Variants in IL7R observed in about 807,000 individuals in gnomAD.
IL7R encodes the protein interleukin 7 receptor.
Under a neutral mutation model 47.0 loss-of-function variants are expected in IL7R, and 38 were observed. The ratio of observed to expected loss-of-function variants is 0.81; its 90% CI spans 0.62 to 1.06. The LOEUF is 1.06. Among genes scored for constraint, IL7R ranks in the 50% least tolerant of loss-of-function variants. The probability of loss-of-function intolerance (pLI) is 0.00; values close to 1 mark genes in which losing one functional copy is unlikely to be tolerated. For missense variants in IL7R, 633 were observed against 534.8 expected (o/e 1.18, Z -1.81); for synonymous variants, 221 against 199.8 (o/e 1.11, Z -0.89).
At chr5:35,866,594 G>T (rs7711268) in intron 2 of IL7R, among the ~76,000 whole-genome samples, 1 of 151,936 alleles carries the variant, frequency 6.6e-6, no homozygotes, top group Non-Finnish European at 1.5e-5. Context: ...AAATATAACT[G>T]TTGAAATATT....
At chr5:35,871,538 T>C (rs1404985606) in intron 4 of IL7R, among the ~76,000 whole-genome samples, 1 of 152,210 alleles carries the variant, frequency 6.6e-6, no homozygotes, top group African/African-American at 2.4e-5. Flanking sequence ...GCCACTTTCA[T>C]AGGCAAATCA....
At chr5:35,871,700 A>G (rs1319902008) in intron 4 of IL7R, among the ~76,000 whole-genome samples, 1 of 152,170 alleles carries the variant, frequency 6.6e-6, no homozygotes, top group Non-Finnish European at 1.5e-5. Flanking sequence ...TTTTGAAGTA[A>G]CAGCTTAATT....
At chr5:35,857,451 A>G (rs1759684401) in intron 1 of IL7R, among the ~76,000 whole-genome samples, 1 of 148,810 alleles carries the variant, frequency 6.7e-6, no homozygotes, top group Non-Finnish European at 1.5e-5. Flanking sequence ...AGAAATCCTG[A>G]AAGCATAACT....
chr5:35,870,901 A>G (rs1050414593), intron 3 of IL7R, among the ~76,000 whole-genome samples, 155 bp from the exon 4 acceptor site: 21 of 152,312 alleles, frequency 1.4e-4, no homozygotes, highest in African/African-American at 5.1e-4. Flanking sequence ...TGCGGACTGG[A>G]TTTAAACCCA....
In IL7R at chr5:35,861,601, G is replaced by A. The variant is rs567299616; in HGVS notation, c.221+611G>A. Among the ~76,000 whole-genome samples the A allele has an allele frequency of 2.8e-4, 43 of 152,210 alleles. 1 individual carries two copies. The highest frequency in any genetic ancestry group is 3.4e-3 in the Middle Eastern group (1 of 294). On this transcript the variant is annotated intron_variant, in intron 2 of 7. Coordinates refer to ENST00000303115, the MANE Select transcript of IL7R (RefSeq NM_002185.5). ...ATATTGACCTAACTTCTACCATCTT[G>A]ACACAATTTGACTTCAGATGATCCT...
chr5:35,871,016 G>T (rs1157081207), intron 3 of IL7R, 40 bp from the exon 4 acceptor site: 2 of 1,581,054 alleles, frequency 1.3e-6, no homozygotes, highest in East Asian at 4.5e-5. Flanking sequence ...TATTTCCTTG[G>T]CTGCCCTTTA....
rs745481948 is a variant in IL7R, at chr5:35,876,397, G to T, written c.1291G>T (p.Val431Phe). 2 of 1,613,382 alleles carry T rather than the reference G, an allele frequency of 1.2e-6. No homozygotes were observed. The highest frequency in any genetic ancestry group is 1.7e-6 in the Non-Finnish European group (2 of 1,179,950). The change falls in exon 8 of 8, where the codon GTT becomes TTT. Residue 431 changes from valine (V) to phenylalanine (F), a missense_variant. Val to Phe is a conservative substitution (Grantham distance 50, BLOSUM62 -1). Coordinates refer to ENST00000303115, the MANE Select transcript of IL7R (RefSeq NM_002185.5). ...ATCTGGAATCCTGACATTGAACCCA[G>T]TTGCTCAGGGTCAGCCCATTCTTAC... ...LQSGILTLNP[V>F]AQGQPILTSL...
In IL7R at chr5:35,867,379, T is replaced by C. The variant is rs1759964749; in HGVS notation, c.295T>C (p.Phe99Leu). 1.2e-6 allele frequency: 2 copies of C among 1,613,424 alleles called. No individual in the cohort carries two copies. Among genetic ancestry groups the C allele is most frequent in the African/African-American group, 1.3e-5 (1 of 74,898 alleles). The part of the protein sequence containing the change: ...QEIYFIETKK[F>L]LLIGKSNICV... The stretch of plus-strand genomic sequence containing the variant: ...GATATATTTCATCGAGACAAAGAAA[T>C]TCTTACTGATTGGAAAGAGCAATAT... The change falls in exon 3 of 8, where the codon TTC becomes CTC. Residue 99 changes from phenylalanine to leucine, a missense_variant. Coordinates refer to ENST00000303115, the MANE Select transcript of IL7R (RefSeq NM_002185.5).
intron 4 of IL7R, 88 bp downstream of exon 4, chr5:35,871,301 C>G (rs1401335324): frequency 7.3e-6 from 8 of 1,098,770 alleles, no homozygotes; most frequent in Non-Finnish European, 9.4e-6. Context: ...CTGGGAGGGC[C>G]CAACAATTTT....
In IL7R at chr5:35,876,369, C is replaced by A. The variant is rs1343153655; in HGVS notation, c.1263C>A (p.Leu421=). The A allele has an allele frequency of 6.2e-7, 1 of 1,613,556 alleles. No homozygotes were observed. Among genetic ancestry groups the A allele is most frequent in the Non-Finnish European group, 8.5e-7 (1 of 1,179,684 alleles). Residue 421 remains leucine, a synonymous_variant, in exon 8 of 8, where the codon CTC becomes CTA. Coordinates refer to ENST00000303115, the MANE Select transcript of IL7R (RefSeq NM_002185.5). The part of the protein sequence containing the change: ...TNSTLPPPFS[L]QSGILTLNPV... ...GCACGCTGCCCCCTCCATTTTCTCT[C>A]CAATCTGGAATCCTGACATTGAACC...
intron 3 of IL7R, 96 bp from the exon 4 acceptor site, chr5:35,870,960 A>T: frequency 9.2e-7 from 1 of 1,084,580 alleles, no homozygotes. Context: ...TGACACAAAA[A>T]GGGTCAAAGT....
At chr5:35,861,081 G>C in intron 2 of IL7R, 91 bp downstream of exon 2, 1 of 1,345,500 alleles carries the variant, frequency 7.4e-7, no homozygotes, top group Non-Finnish European at 1.1e-6. Context: ...AAGAATATGT[G>C]GCCTAATTAA....
intron 4 of IL7R, 22 bp from the exon 5 acceptor site, chr5:35,873,458 G>A: frequency 6.2e-7 from 1 of 1,608,634 alleles, no homozygotes; most frequent in Non-Finnish European, 8.5e-7. Flanking sequence ...TCCTAAGAAT[G>A]TAACTGCACT....
At position 35,876,128 on chromosome 5, in the gene IL7R, G is replaced by T; in HGVS notation, c.1022G>T (p.Gly341Val). 1 of 1,614,182 alleles carries T rather than the reference G, an allele frequency of 6.2e-7. No individual in the cohort carries two copies. Among genetic ancestry groups the T allele is most frequent in the Admixed American group, 1.7e-5 (1 of 60,018 alleles). ...GAAGAATCTGAGAAGCAGAGGCTTG[G>T]AGGGGATGTGCAGAGCCCCAACTGC... ...QLEESEKQRL[G>V]GDVQSPNCPS... Residue 341 changes from glycine to valine, a missense_variant, in exon 8 of 8, where the codon GGA becomes GTA. Gly to Val is a moderately radical substitution (Grantham distance 109). Coordinates refer to ENST00000303115, the MANE Select transcript of IL7R (RefSeq NM_002185.5).
chr5:35,876,396 A>C lies in IL7R; in HGVS notation c.1290A>C (p.Pro430=), dbSNP rs1049830120. The change falls in exon 8 of 8, where the codon CCA becomes CCC. Residue 430 remains proline, a synonymous_variant. Transcript: ENST00000303115. ...SLQSGILTLN[P]VAQGQPILTS... The stretch of plus-strand genomic sequence containing the variant: ...AATCTGGAATCCTGACATTGAACCC[A>C]GTTGCTCAGGGTCAGCCCATTCTTA... The C allele has an allele frequency of 1.2e-6, 2 of 1,613,538 alleles. No homozygotes were observed. The highest frequency in any genetic ancestry group is 1.7e-6 in the Non-Finnish European group (2 of 1,179,932).
chr5:35,859,917 T>G (rs538636947), intron 1 of IL7R, among the ~76,000 whole-genome samples: 1 of 150,358 alleles, frequency 6.7e-6, no homozygotes, highest in Non-Finnish European at 1.5e-5. Context: ...CAGGTCCCAG[T>G]GGGTGTATAT....
chr5:35,859,658 T>C (rs1331107974), intron 1 of IL7R, among the ~76,000 whole-genome samples: 1 of 152,176 alleles, frequency 6.6e-6, no homozygotes, highest in Non-Finnish European at 1.5e-5. Context: ...AACTGGTTGG[T>C]CCATTCACAG....
At chr5:35,867,913 CAAA>C (rs10586617) in intron 3 of IL7R, among the ~76,000 whole-genome samples, 6 of 150,726 alleles carry the variant, frequency 4.0e-5, no homozygotes, top group Non-Finnish European at 5.9e-5. Context: ...GAGTTTTCTA[CAAA>C]AAAAAAAGGG....
chr5:35,861,960 C>T (rs1170921233), intron 2 of IL7R, among the ~76,000 whole-genome samples: 1 of 152,136 alleles, frequency 6.6e-6, no homozygotes, highest in African/African-American at 2.4e-5. Flanking sequence ...TCCATAGACA[C>T]TGAGACAATT....
Sources: allele counts gnomAD v4.1 joint callset (sites outside exome capture counted in the v4.1 genomes callset), GRCh38; gene constraint gnomAD v4.1.1; transcripts MANE v1.5; gene names NCBI Gene and HGNC (gene_info 2026-07-23, HGNC 2026-07-21).